Variants in DCC observed in about 807,000 individuals in gnomAD.
DCC encodes DCC netrin 1 receptor, also known as netrin receptor DCC.
Under a neutral mutation model 172.5 loss-of-function variants are expected in DCC, and 58 were observed. The ratio of observed to expected loss-of-function variants is 0.34; its 90% CI spans 0.27 to 0.42. DCC has a LOEUF of 0.42. Among genes scored for constraint, DCC ranks in the 10% least tolerant of loss-of-function variants. The pLI, the probability that DCC is intolerant of heterozygous loss-of-function variation, is 1.00. For synonymous variants in DCC, 709 were observed against 644.5 expected (o/e 1.10, Z -1.52); for missense variants, 1,740 against 1,791.0 (o/e 0.97, Z 0.51).
chr18:52,456,630 CTTA>C (rs1251660720), intron 1 of DCC, among the ~76,000 whole-genome samples: 3 of 152,048 alleles, frequency 2.0e-5, no homozygotes, highest in Admixed American at 2.0e-4. Flanking sequence ...TGATTTTAAA[CTTA>C]TTGTTGTTTG....
At chr18:52,505,515 G>T (rs895803164) in intron 1 of DCC, among the ~76,000 whole-genome samples, 3 of 152,048 alleles carry the variant, frequency 2.0e-5, no homozygotes, top group African/African-American at 7.2e-5. Flanking sequence ...TCGCTAAACG[G>T]CACAAAAGAA....
At chr18:52,499,258 T>C (rs1426203331) in intron 1 of DCC, among the ~76,000 whole-genome samples, 1 of 152,196 alleles carries the variant, frequency 6.6e-6, no homozygotes, top group Non-Finnish European at 1.5e-5. Flanking sequence ...CCTGACTTTT[T>C]CTGCTCTTGA....
At chr18:53,464,302 C>A (rs550171079) in intron 24 of DCC, among the ~76,000 whole-genome samples, 3 of 152,300 alleles carry the variant, frequency 2.0e-5, no homozygotes, top group African/African-American at 7.2e-5. Context: ...CAGCATGTGG[C>A]ATTTGGTAGT....
intron 1 of DCC, among the ~76,000 whole-genome samples, chr18:52,691,124 G>C (rs926518373): frequency 6.6e-6 from 1 of 152,152 alleles, no homozygotes; most frequent in East Asian, 1.9e-4. Flanking sequence ...ATATTTGAGG[G>C]AAGCTCTATT....
At chr18:52,693,155 T>C (rs1410096655) in intron 1 of DCC, among the ~76,000 whole-genome samples, 2 of 144,200 alleles carry the variant, frequency 1.4e-5, no homozygotes, top group African/African-American at 2.6e-5. Flanking sequence ...CCCTGGGGTA[T>C]TGGATTTGAG....
At chr18:53,160,487 ACT>A (rs2054819198) in intron 8 of DCC, among the ~76,000 whole-genome samples, 2 of 152,094 alleles carry the variant, frequency 1.3e-5, no homozygotes, top group African/African-American at 2.4e-5. Context: ...TTTGCCTGCT[ACT>A]CTCATTTCAT....
At chr18:53,125,595 G>A (rs541665299) in intron 7 of DCC, among the ~76,000 whole-genome samples, 7 of 152,166 alleles carry the variant, frequency 4.6e-5, no homozygotes, top group South Asian at 4.1e-4. Flanking sequence ...CACCACCAGC[G>A]ATTTTCCAGG....
chr18:53,104,723 G>A (rs1243139250), intron 7 of DCC, among the ~76,000 whole-genome samples: 1 of 152,024 alleles, frequency 6.6e-6, no homozygotes, highest in Admixed American at 6.6e-5. Context: ...AATTAATATG[G>A]ATTAATTAAC....
intron 5 of DCC, among the ~76,000 whole-genome samples, chr18:53,056,309 G>T (rs2042403071): frequency 6.6e-6 from 1 of 152,026 alleles, no homozygotes; most frequent in South Asian, 2.1e-4. Flanking sequence ...TGGGGGAACT[G>T]CCCCTATGAT....
intron 1 of DCC, among the ~76,000 whole-genome samples, chr18:52,384,958 G>C (rs17669589): frequency 0.018 from 2,769 of 152,112 alleles, 33 homozygotes; most frequent in Middle Eastern, 0.061. Context: ...TTAATTAATG[G>C]GTTCTTCAAA....
intron 22 of DCC, among the ~76,000 whole-genome samples, chr18:53,439,786 A>G (rs1912155305): frequency 1.8e-5 from 1 of 54,770 alleles, no homozygotes; most frequent in Non-Finnish European, 7.1e-5. Flanking sequence ...TTTTTTTGAG[A>G]CGGAGTCTCG....
chr18:53,409,296 G>A (rs1909847568), intron 19 of DCC, among the ~76,000 whole-genome samples: 1 of 152,140 alleles, frequency 6.6e-6, no homozygotes, highest in Non-Finnish European at 1.5e-5. Flanking sequence ...AAGACCTGTG[G>A]GTGAAGGTCC....
At chr18:53,136,867 A>AAATCATT (rs1455622388) in intron 7 of DCC, among the ~76,000 whole-genome samples, 1 of 152,220 alleles carries the variant, frequency 6.6e-6, no homozygotes, top group Non-Finnish European at 1.5e-5. Flanking sequence ...TAATAATATT[A>AAATCATT]AATCATTTCT....
rs1199713613 is a variant in DCC at position 53,532,117 on chromosome 18, A to G, written c.*1464A>G. On this transcript the variant is annotated 3_prime_UTR_variant, in exon 29 of 29. Coordinates refer to ENST00000442544, the MANE Select transcript of DCC (RefSeq NM_005215.4). Reference sequence around the variant, plus strand: ...ATCAGTTAGGTGACTTGAAAACCCAATGAGAGAGTTTCAGCTGAATTATTC... The same window carrying G: ...ATCAGTTAGGTGACTTGAAAACCCAGTGAGAGAGTTTCAGCTGAATTATTC... 1.3e-5 allele frequency: 2 copies of G among 152,170 alleles called. No individual in the cohort carries two copies. The highest frequency in any genetic ancestry group is 1.3e-4 in the Admixed American group (2 of 15,278). 9.4% of individuals were successfully genotyped at this position (152,170 alleles called of 1,614,324 possible).
At chr18:53,176,313 C>A (rs1209826062) in intron 8 of DCC, among the ~76,000 whole-genome samples, 26 of 132,416 alleles carry the variant, frequency 2.0e-4, no homozygotes, top group South Asian at 2.7e-4. Flanking sequence ...GCAACAAAAG[C>A]CAAAATTGAC....
chr18:52,374,173 T>A (rs1313351374), intron 1 of DCC, among the ~76,000 whole-genome samples: 1 of 152,088 alleles, frequency 6.6e-6, no homozygotes, highest in Non-Finnish European at 1.5e-5. Context: ...ATTACAGACA[T>A]GAGCCACCAT....
intron 13 of DCC, among the ~76,000 whole-genome samples, chr18:53,311,115 TTATTTTATTTATTTA>T (rs2057262000): frequency 2.7e-5 from 3 of 111,204 alleles, no homozygotes; most frequent in Non-Finnish European, 5.4e-5. Context: ...ATTTATTTAT[TTATTTTATTTATTTA>T]TTTTTTTTGA....
chr18:52,520,204 G>T (rs553066825), intron 1 of DCC, among the ~76,000 whole-genome samples: 1 of 152,098 alleles, frequency 6.6e-6, no homozygotes, highest in Non-Finnish European at 1.5e-5. Flanking sequence ...CAACTCCGTC[G>T]TCCTCCTCCA....
At chr18:52,482,152 C>A (rs2029989727) in intron 1 of DCC, among the ~76,000 whole-genome samples, 2 of 152,098 alleles carry the variant, frequency 1.3e-5, no homozygotes, top group African/African-American at 4.8e-5. Flanking sequence ...CAAACACTTG[C>A]ACTTGCACAT....
Sources: gnomAD v4.1 joint callset for allele counts (sites outside exome capture counted in the v4.1 genomes callset) on GRCh38, gnomAD v4.1.1 for gene constraint, MANE v1.5 for transcripts, NCBI Gene and HGNC (gene_info 2026-07-23, HGNC 2026-07-21) for gene names.